The following ARRB1 variants were observed in gnomAD, a reference collection of about 807,000 sequenced individuals.
ARRB1 encodes beta-arrestin-1.
In ARRB1, 21 loss-of-function variants were observed where a neutral mutation model predicts 56.8. The ratio of observed to expected loss-of-function variants is 0.37; its 90% CI spans 0.26 to 0.53. The LOEUF (loss-of-function observed/expected upper bound fraction) is 0.53, where lower values mean the gene tolerates loss of function less well. Ranked by LOEUF, ARRB1 falls within the 20% of genes least tolerant of loss-of-function variation. The pLI is 0.88. For synonymous variants in ARRB1, 210 were observed against 218.6 expected, an observed-to-expected ratio of 0.96 and a Z score of 0.35; for missense variants, 424 against 553.7, an observed-to-expected ratio of 0.77 and a Z score of 2.35.
chr11:75,291,400 GTGAA>G (rs757415015), intron 1 of ARRB1, among the ~76,000 whole-genome samples: 1 of 152,172 alleles, frequency 6.6e-6, no homozygotes, highest in Non-Finnish European at 1.5e-5. Flanking sequence ...AGTTGAACAG[GTGAA>G]TGAATGAATG....
At chr11:75,312,413 G>T (rs1302581857) in intron 1 of ARRB1, among the ~76,000 whole-genome samples, 3 of 152,190 alleles carry the variant, frequency 2.0e-5, no homozygotes, top group Non-Finnish European at 2.9e-5. Flanking sequence ...TCTTACAGAT[G>T]GGGAGACAAA....
intron 2 of ARRB1, among the ~76,000 whole-genome samples, chr11:75,287,894 C>T (rs1034890599): frequency 6.6e-6 from 1 of 152,158 alleles, no homozygotes. Context: ...TGGAATTTTG[C>T]TCTTGTTGCC....
At chr11:75,338,107 C>G (rs1678705316) in intron 1 of ARRB1, among the ~76,000 whole-genome samples, 1 of 151,928 alleles carries the variant, frequency 6.6e-6, no homozygotes. Context: ...GTGGTGGGGA[C>G]AGCTGGGAAA....
At chr11:75,282,072 G>C in intron 5 of ARRB1, 51 bp from the exon 6 acceptor site, 4 of 1,595,180 alleles carry the variant, frequency 2.5e-6, no homozygotes, top group African/African-American at 1.3e-5. Flanking sequence ...CCACTGTCCT[G>C]TCTCATGTAT....
chr11:75,310,359 G>A (rs899235112), intron 1 of ARRB1, among the ~76,000 whole-genome samples: 1 of 152,146 alleles, frequency 6.6e-6, no homozygotes, highest in African/African-American at 2.4e-5. Flanking sequence ...GGAACACCAA[G>A]GGGAACAAGG....
At chr11:75,281,166 A>G in intron 6 of ARRB1, 24 bp from the exon 7 acceptor site, 1 of 1,581,932 alleles carries the variant, frequency 6.3e-7, no homozygotes, top group Admixed American at 1.8e-5. Flanking sequence ...GTCACTGACC[A>G]CAGGGCCTTG....
chr11:75,321,906 A>G (rs963229398), intron 1 of ARRB1, among the ~76,000 whole-genome samples: 2 of 152,246 alleles, frequency 1.3e-5, no homozygotes, highest in Non-Finnish European at 2.9e-5. Context: ...CTGGCCAGGG[A>G]AACTGCAGGG....
intron 1 of ARRB1, among the ~76,000 whole-genome samples, chr11:75,332,362 C>CATAGCTAG (rs1298230559): frequency 2.0e-5 from 3 of 152,210 alleles, no homozygotes; most frequent in African/African-American, 7.2e-5. Context: ...CGTCTGTAAA[C>CATAGCTAG]ATAGCTAGAT....
chr11:75,333,883 G>C (rs1008262798), intron 1 of ARRB1, among the ~76,000 whole-genome samples: 1 of 152,136 alleles, frequency 6.6e-6, no homozygotes, highest in Non-Finnish European at 1.5e-5. Context: ...GGGATGCACC[G>C]CACCCTGCCA....
intron 1 of ARRB1, among the ~76,000 whole-genome samples, chr11:75,315,750 A>G (rs867204925): frequency 2.2e-4 from 34 of 152,186 alleles, no homozygotes; most frequent in African/African-American, 8.2e-4. Flanking sequence ...ACGGCTGGAT[A>G]CTTAGGCATC....
intron 1 of ARRB1, among the ~76,000 whole-genome samples, chr11:75,331,337 C>T (rs766685198): frequency 1.3e-5 from 2 of 152,154 alleles, no homozygotes; most frequent in Non-Finnish European, 2.9e-5. Context: ...TTTACCTTGC[C>T]CAAATTCCTG....
intron 1 of ARRB1, among the ~76,000 whole-genome samples, chr11:75,351,245 C>T (rs534458055): frequency 4.6e-5 from 7 of 152,296 alleles, no homozygotes; most frequent in African/African-American, 1.7e-4. Flanking sequence ...CCAGTGTGTG[C>T]GCCAGCATGC....
intron 13 of ARRB1, chr11:75,270,927 T>C (rs1334457992): frequency 1.3e-5 from 2 of 152,160 alleles, no homozygotes; most frequent in Non-Finnish European, 2.9e-5. Context: ...CTCTTTTTTT[T>C]TTCCTTTTGC....
At chr11:75,290,407 C>T (rs499332) in intron 1 of ARRB1, among the ~76,000 whole-genome samples, 97,638 of 151,862 alleles carry the variant, frequency 0.64, 31,731 homozygotes, top group Non-Finnish European at 0.69. Context: ...TCTCCCTCAC[C>T]CATCTCCAGC....
chr11:75,286,146 T>C (rs1946466223), intron 3 of ARRB1, among the ~76,000 whole-genome samples: 1 of 151,192 alleles, frequency 6.6e-6, no homozygotes, highest in African/African-American at 2.4e-5. Flanking sequence ...GCAGCCGGGC[T>C]CGCTTCCTTG....
intron 1 of ARRB1, among the ~76,000 whole-genome samples, chr11:75,332,055 C>A (rs771962941): frequency 6.6e-6 from 1 of 151,688 alleles, no homozygotes; most frequent in African/African-American, 2.4e-5. Context: ...CGCCCCTACC[C>A]GCAAGAGAAC....
intron 1 of ARRB1, among the ~76,000 whole-genome samples, chr11:75,310,438 T>C (rs1947132145): frequency 6.6e-6 from 1 of 152,188 alleles, no homozygotes; most frequent in Non-Finnish European, 1.5e-5. Context: ...GAATCGCATG[T>C]AAGAACACCT....
In ARRB1 at chr11:75,273,049, G is replaced by A. The variant is rs1419104399; in HGVS notation, c.915-71C>T. ...GGCGAGACACCTCAGGGGTGGGTAT[G>A]CTGGGGGGCAGTGGCCGTCCATCCC... On this transcript the variant is annotated intron_variant, in intron 11 of 15. Coordinates refer to ENST00000420843, the MANE Select transcript of ARRB1 (RefSeq NM_004041.5). 10 of 1,368,444 alleles carry A rather than the reference G, an allele frequency of 7.3e-6. No individual in the cohort carries two copies. The East Asian group carries it at 2.1e-4, about 29-fold the overall frequency. 84.8% of individuals were successfully genotyped at this position (1,368,444 alleles called of 1,614,324 possible).
At chr11:75,327,270 C>A (rs537289089) in intron 1 of ARRB1, among the ~76,000 whole-genome samples, 15 of 141,526 alleles carry the variant, frequency 1.1e-4, no homozygotes, top group Non-Finnish European at 3.0e-5. Flanking sequence ...CCACTGCACT[C>A]CAGCCTGGGT....
Sources: gnomAD v4.1 joint callset for allele counts (sites outside exome capture counted in the v4.1 genomes callset) on GRCh38, gnomAD v4.1.1 for gene constraint, MANE v1.5 for transcripts, NCBI Gene and HGNC (gene_info 2026-07-23, HGNC 2026-07-21) for gene names.